Variants in CLCN3 observed in about 807,000 individuals in gnomAD.
CLCN3 encodes the protein Cl-/H+ antiporter 3, also known as H(+)/Cl(-) exchange transporter 3.
Under a neutral mutation model 83.4 loss-of-function variants are expected in CLCN3, and 16 were observed. The observed-to-expected ratio is 0.19, with a 90% CI of 0.13 to 0.29. The LOEUF is 0.29. Ranked by LOEUF, CLCN3 falls within the 10% of genes least tolerant of loss-of-function variation. The pLI, the probability that CLCN3 is intolerant of heterozygous loss-of-function variation, is 1.00. For synonymous variants in CLCN3, 322 were observed against 346.2 expected (o/e 0.93, Z 0.78); for missense variants, 544 against 1,006.0 (o/e 0.54, Z 6.21).
intron 1 of CLCN3, among the ~76,000 whole-genome samples, chr4:169,632,504 C>T (rs1488070254): frequency 6.6e-6 from 1 of 151,750 alleles, no homozygotes; most frequent in Admixed American, 6.6e-5. Flanking sequence ...CCGAGGCGGG[C>T]GGATCACGAG....
chr4:169,662,568 G>A (rs979691092), intron 2 of CLCN3, among the ~76,000 whole-genome samples: 3 of 152,128 alleles, frequency 2.0e-5, no homozygotes, highest in Non-Finnish European at 4.4e-5. Flanking sequence ...TTGATCTTCA[G>A]CCTGATAGTG....
At chr4:169,701,796 G>A (rs1190764367) in intron 9 of CLCN3, among the ~76,000 whole-genome samples, 1 of 152,178 alleles carries the variant, frequency 6.6e-6, no homozygotes, top group African/African-American at 2.4e-5. Context: ...TGCCCCATTT[G>A]ACCTTGGACT....
rs746934099 is a variant in CLCN3 at position 169,720,965 on chromosome 4, A to C, written c.*968A>C. ...AAGTGCTGTTGAGCATAATTAAATA[A>C]AATGCTGCTGCTTTGACAGTAAAGA... On this transcript the variant is annotated 3_prime_UTR_variant, in exon 13 of 13. Coordinates refer to ENST00000513761, the MANE Select transcript of CLCN3 (RefSeq NM_001829.4). The C allele has an allele frequency of 6.6e-6, 1 of 152,658 alleles. No individual in the cohort carries two copies. The highest frequency in any genetic ancestry group is 6.5e-5 in the Admixed American group (1 of 15,284). 9.5% of individuals were successfully genotyped at this position (152,658 alleles called of 1,614,324 possible). A position where few individuals can be genotyped will look rare whatever the true frequency, so the allele number is the denominator to read the frequency against.
At chr4:169,632,703 C>G (rs759213371) in intron 1 of CLCN3, among the ~76,000 whole-genome samples, 47 of 108,860 alleles carry the variant, frequency 4.3e-4, no homozygotes, top group South Asian at 3.1e-4. Flanking sequence ...GGTGACAGAG[C>G]GAGACTCCAT....
At chr4:169,630,861 G>C (rs1312443061) in intron 1 of CLCN3, among the ~76,000 whole-genome samples, 18 of 152,182 alleles carry the variant, frequency 1.2e-4, no homozygotes, top group Non-Finnish European at 1.5e-5. Flanking sequence ...GTCCACTATT[G>C]ATGAGCACCT....
At chr4:169,684,931 C>G (rs1197695572) in intron 3 of CLCN3, among the ~76,000 whole-genome samples, 3 of 151,802 alleles carry the variant, frequency 2.0e-5, no homozygotes, top group Non-Finnish European at 4.4e-5. Flanking sequence ...TCTCCAGCCT[C>G]CCAGGTAGCT....
At chr4:169,636,461 A>G (rs531702974) in intron 2 of CLCN3, among the ~76,000 whole-genome samples, 2 of 152,298 alleles carry the variant, frequency 1.3e-5, no homozygotes, top group South Asian at 2.1e-4. Context: ...GAAGTAAAAC[A>G]TTACCAGTAG....
intron 12 of CLCN3, chr4:169,717,712 C>T: frequency 4.7e-6 from 4 of 856,234 alleles, no homozygotes; most frequent in Middle Eastern, 2.3e-4. Flanking sequence ...TTTATTTTTT[C>T]TCTCATTCTT....
At chr4:169,656,427 T>C (rs1307804143) in intron 2 of CLCN3, among the ~76,000 whole-genome samples, 2 of 152,152 alleles carry the variant, frequency 1.3e-5, no homozygotes, top group East Asian at 3.9e-4. Flanking sequence ...GAGTACTCTA[T>C]AATGAGATAG....
rs576968456 is a variant in CLCN3 at position 169,648,141 on chromosome 4, C to G, written c.160+12053C>G. 1.6e-3 allele frequency among the ~76,000 whole-genome samples: 243 copies of G among 152,232 alleles called. 3 individuals are homozygous for G. The highest frequency in any genetic ancestry group is 2.9e-3 in the Non-Finnish European group (198 of 68,014). On this transcript the variant is annotated intron_variant, in intron 2 of 12. Transcript: ENST00000513761. Reference sequence around the variant, plus strand: ...CAAGATAGCTAAATGCAATGTGGATCCTGTATTGGGACCTGGAATAGAAAG... The same window carrying G: ...CAAGATAGCTAAATGCAATGTGGATGCTGTATTGGGACCTGGAATAGAAAG...
chr4:169,672,397 C>T (rs540021879), intron 2 of CLCN3, among the ~76,000 whole-genome samples: 101 of 152,164 alleles, frequency 6.6e-4, no homozygotes, highest in African/African-American at 2.3e-3. Flanking sequence ...GCCTCAGCCT[C>T]CCGAAGTGCT....
At chr4:169,713,909 A>C (rs949206830) in intron 12 of CLCN3, among the ~76,000 whole-genome samples, 3 of 152,232 alleles carry the variant, frequency 2.0e-5, no homozygotes, top group Non-Finnish European at 4.4e-5. Flanking sequence ...TTTAAAATGT[A>C]TACATTGATA....
intron 2 of CLCN3, among the ~76,000 whole-genome samples, chr4:169,665,317 C>CT (rs2150223658): frequency 6.6e-6 from 1 of 152,268 alleles, no homozygotes; most frequent in East Asian, 1.9e-4. Flanking sequence ...TGGTAAACTT[C>CT]TTTGAGATTT....
At chr4:169,653,305 G>A (rs1257090019) in intron 2 of CLCN3, among the ~76,000 whole-genome samples, 3 of 151,820 alleles carry the variant, frequency 2.0e-5, no homozygotes, top group Non-Finnish European at 2.9e-5. Context: ...AGTCTGTTTT[G>A]CATTGCTGTA....
intron 2 of CLCN3, among the ~76,000 whole-genome samples, chr4:169,659,770 T>G (rs929811921): frequency 2.0e-5 from 3 of 152,072 alleles, no homozygotes; most frequent in African/African-American, 7.2e-5. Flanking sequence ...TTGAGAAACC[T>G]TTGGCATATT....
chr4:169,634,847 C>G (rs979159386), intron 1 of CLCN3, among the ~76,000 whole-genome samples: 1 of 152,144 alleles, frequency 6.6e-6, no homozygotes, highest in African/African-American at 2.4e-5. Context: ...CTCAAAACTT[C>G]ACCTTTTTCA....
chr4:169,648,872 C>A (rs534087889), intron 2 of CLCN3, among the ~76,000 whole-genome samples: 1 of 152,072 alleles, frequency 6.6e-6, no homozygotes, highest in South Asian at 2.1e-4. Context: ...ACTAAAAATA[C>A]AAAAGTTAGC....
rs1733289808 is a variant in CLCN3, at chr4:169,713,159, G to C, written c.2230G>C (p.Glu744Gln). Residue 744 changes from glutamate (E) to glutamine (Q), a missense_variant, in exon 12 of 13, where the codon GAA becomes CAA. Coordinates refer to ENST00000513761, the MANE Select transcript of CLCN3 (RefSeq NM_001829.4). ...FAQHTPSLPA[E>Q]SPRPLKLRSI... ...ACAGCACACCCCATCTCTTCCAGCA[G>C]AAAGTCCTCGGCCATTGAAGCTTCG... 1 of 1,614,056 alleles carries C rather than the reference G, an allele frequency of 6.2e-7. No individual in the cohort carries two copies.
At chr4:169,695,479 T>G in intron 7 of CLCN3, 133 bp from the exon 8 acceptor site, 1 of 684,036 alleles carries the variant, frequency 1.5e-6, no homozygotes, top group Non-Finnish European at 2.6e-6. Context: ...AGTTACCCTT[T>G]GCTTAGGGAG....
Sources: allele counts gnomAD v4.1 joint callset (sites outside exome capture counted in the v4.1 genomes callset), GRCh38; gene constraint gnomAD v4.1.1; transcripts MANE v1.5; gene names NCBI Gene and HGNC (gene_info 2026-07-23, HGNC 2026-07-21).